The following GRM8 variants were observed in gnomAD, a reference collection of about 807,000 sequenced individuals.
GRM8 encodes metabotropic glutamate receptor 8.
In GRM8, 47 loss-of-function variants were observed where a neutral mutation model predicts 87.2. The observed-to-expected ratio is 0.54, with a 90% CI of 0.43 to 0.69. The LOEUF (loss-of-function observed/expected upper bound fraction) is 0.69. Ranked by LOEUF, GRM8 falls within the 30% of genes least tolerant of loss-of-function variation. GRM8 has a pLI of 0.00. For missense variants in GRM8, 1,019 were observed against 1,139.2 expected, an observed-to-expected ratio of 0.89 and a Z score of 1.52; for synonymous variants, 396 against 404.5, an observed-to-expected ratio of 0.98 and a Z score of 0.25.
intron 3 of GRM8, 31 bp from the exon 4 acceptor site, chr7:126,904,714 A>G: frequency 1.9e-6 from 3 of 1,603,552 alleles, no homozygotes; most frequent in Non-Finnish European, 2.6e-6. Flanking sequence ...GTGGTGATTC[A>G]GAAAGAGCAT....
intron 3 of GRM8, among the ~76,000 whole-genome samples, chr7:127,055,083 T>C (rs1819856607): frequency 6.6e-6 from 1 of 151,872 alleles, no homozygotes; most frequent in Non-Finnish European, 1.5e-5. Context: ...GGTGAGATTA[T>C]AGGCCTGCTC....
intron 3 of GRM8, among the ~76,000 whole-genome samples, chr7:126,948,259 G>C (rs73453359): frequency 6.6e-6 from 1 of 151,810 alleles, no homozygotes; most frequent in Admixed American, 6.6e-5. Context: ...AAGAGACAGG[G>C]AATTTTTCAT....
intron 9 of GRM8, among the ~76,000 whole-genome samples, chr7:126,479,022 T>C (rs1806336653): frequency 6.6e-6 from 1 of 152,078 alleles, no homozygotes; most frequent in Non-Finnish European, 1.5e-5. Context: ...AAGATGATCT[T>C]TAGTCTCTAC....
chr7:126,991,628 T>C (rs1812663264), intron 3 of GRM8, among the ~76,000 whole-genome samples: 1 of 152,006 alleles, frequency 6.6e-6, no homozygotes, highest in African/African-American at 2.4e-5. Flanking sequence ...AACCAAAACA[T>C]ATGCAAATAC....
At chr7:127,134,300 CT>C (rs1404969480) in intron 2 of GRM8, among the ~76,000 whole-genome samples, 2 of 152,132 alleles carry the variant, frequency 1.3e-5, no homozygotes, top group Non-Finnish European at 2.9e-5. Context: ...GCAAAAATTA[CT>C]AAAGAAAAGG....
chr7:126,528,272 G>C (rs1814216842), intron 9 of GRM8, among the ~76,000 whole-genome samples: 1 of 152,188 alleles, frequency 6.6e-6, no homozygotes, highest in Non-Finnish European at 1.5e-5. Context: ...GGTCTGCTCA[G>C]ATATGGTCTA....
intron 3 of GRM8, among the ~76,000 whole-genome samples, chr7:127,012,841 T>C (rs1815032676): frequency 6.6e-6 from 1 of 152,182 alleles, no homozygotes; most frequent in Non-Finnish European, 1.5e-5. Context: ...AAGAGAAGAT[T>C]TCCATTGTTT....
intron 7 of GRM8, among the ~76,000 whole-genome samples, chr7:126,640,037 C>A (rs1336604147): frequency 2.6e-5 from 4 of 152,152 alleles, no homozygotes; most frequent in African/African-American, 9.7e-5. Flanking sequence ...AAACTCTTAA[C>A]ACATAACCAG....
In GRM8 at chr7:126,822,015, T is replaced by C. The variant is rs140438694; in HGVS notation, c.1157-51950A>G. Among the ~76,000 whole-genome samples the C allele has an allele frequency of 2.5e-3, 382 of 152,314 alleles. 3 individuals carry two copies. The highest frequency in any genetic ancestry group is 8.9e-3 in the African/African-American group (369 of 41,576). ...TCTTCTTCATTGGGGGTTTGTCTGATATTTATTCATTATTAAATTTTGAAA... is the reference window on the plus strand; with the variant it reads ...TCTTCTTCATTGGGGGTTTGTCTGACATTTATTCATTATTAAATTTTGAAA... On this transcript the variant is annotated intron_variant, in intron 6 of 10. Transcript: ENST00000339582.
chr7:126,665,483 A>C (rs1255912577), intron 7 of GRM8, among the ~76,000 whole-genome samples: 1 of 152,212 alleles, frequency 6.6e-6, no homozygotes, highest in African/African-American at 2.4e-5. Flanking sequence ...CATTATCCTA[A>C]GAAAATTAAT....
chr7:126,539,209 C>A (rs2150888412), intron 8 of GRM8, among the ~76,000 whole-genome samples: 1 of 151,100 alleles, frequency 6.6e-6, no homozygotes, highest in South Asian at 2.1e-4. Context: ...AAATAAAATA[C>A]TTAGTGATAA....
intron 3 of GRM8, among the ~76,000 whole-genome samples, chr7:127,095,062 G>T (rs1824507194): frequency 6.6e-6 from 1 of 152,192 alleles, no homozygotes. Context: ...CAGAAGAGGA[G>T]ACCCTTCAAC....
intron 7 of GRM8, among the ~76,000 whole-genome samples, chr7:126,617,279 A>G (rs1009563331): frequency 6.6e-6 from 1 of 152,268 alleles, no homozygotes; most frequent in Non-Finnish European, 1.5e-5. Flanking sequence ...CAAAAGCCAC[A>G]TGATTATCTC....
intron 2 of GRM8, among the ~76,000 whole-genome samples, chr7:127,129,699 C>A (rs976030033): frequency 6.6e-6 from 1 of 152,238 alleles, no homozygotes; most frequent in African/African-American, 2.4e-5. Flanking sequence ...GCAGCCCAAT[C>A]GTGAATGTAG....
chr7:127,232,967 A>G (rs1359860522), intron 2 of GRM8, among the ~76,000 whole-genome samples: 1 of 152,028 alleles, frequency 6.6e-6, no homozygotes, highest in Admixed American at 6.6e-5. Context: ...CCTCCTGAGT[A>G]GCTGGGATTA....
chr7:127,143,972 T>A (rs1828414583), intron 2 of GRM8, among the ~76,000 whole-genome samples: 1 of 152,056 alleles, frequency 6.6e-6, no homozygotes, highest in African/African-American at 2.4e-5. Flanking sequence ...ATAAGTAGAG[T>A]AGGAGAATAA....
At chr7:127,034,267 A>G (rs1305315647) in intron 3 of GRM8, among the ~76,000 whole-genome samples, 1 of 152,208 alleles carries the variant, frequency 6.6e-6, no homozygotes, top group East Asian at 1.9e-4. Flanking sequence ...CCAGTTTGCC[A>G]TTGGCAATAC....
At chr7:126,923,973 AT>A (rs1804817588) in intron 3 of GRM8, among the ~76,000 whole-genome samples, 2 of 152,140 alleles carry the variant, frequency 1.3e-5, no homozygotes, top group African/African-American at 4.8e-5. Context: ...ATCTACATGT[AT>A]TTTTTAATGT....
intron 7 of GRM8, among the ~76,000 whole-genome samples, chr7:126,631,583 C>A (rs1410878328): frequency 1.3e-5 from 2 of 151,536 alleles, no homozygotes; most frequent in African/African-American, 4.9e-5. Context: ...GCAAGACAAT[C>A]GTAAGAAAAA....
Sources: gnomAD v4.1 joint callset for allele counts (sites outside exome capture counted in the v4.1 genomes callset) on GRCh38, gnomAD v4.1.1 for gene constraint, MANE v1.5 for transcripts, NCBI Gene and HGNC (gene_info 2026-07-23, HGNC 2026-07-21) for gene names.